ABCA3: variants seen among roughly 807,000 people sequenced by gnomAD.
ABCA3 encodes ATP binding cassette subfamily A member 3.
A neutral mutation model predicts 172.8 loss-of-function variants in ABCA3; 88 were observed. The ratio of observed to expected loss-of-function variants is 0.51; its 90% CI spans 0.43 to 0.61. The LOEUF is 0.61. Ranked by LOEUF, ABCA3 falls within the 20% of genes least tolerant of loss-of-function variation. The pLI, the probability that ABCA3 is intolerant of heterozygous loss-of-function variation, is 0.00. For synonymous variants in ABCA3, 1,066 were observed against 983.8 expected, an observed-to-expected ratio of 1.08 and a Z score of -1.56; for missense variants, 2,164 against 2,301.0, an observed-to-expected ratio of 0.94 and a Z score of 1.22.
rs964716193 is a variant in ABCA3 at position 2,283,101 on chromosome 16, G to A, written c.4035+85C>T. ...GCAGGAGCTGCCTGGTGGAGAAGGA[G>A]GTGGAGCTGCCCCAGGTTGTGCTGG... On this transcript the variant is annotated intron_variant, in intron 26 of 32. Coordinates refer to ENST00000301732, the MANE Select transcript of ABCA3 (RefSeq NM_001089.3). This position sits in a 1 kb window ranked among gnomAD's most constrained non-coding sequence, Gnocchi z 5.4. 1.3e-5 allele frequency: 18 copies of A among 1,427,180 alleles called. No homozygotes were observed. The highest frequency in any genetic ancestry group is 1.7e-5 in the Non-Finnish European group (18 of 1,035,924). 88.4% of individuals were successfully genotyped at this position (1,427,180 alleles called of 1,614,324 possible).
intron 11 of ABCA3, among the ~76,000 whole-genome samples, chr16:2,304,367 A>G (rs1223067532): frequency 1.3e-5 from 2 of 152,132 alleles, no homozygotes; most frequent in African/African-American, 4.8e-5. Context: ...CAGACCAGCA[A>G]CAGCTCATTC....
In ABCA3 at chr16:2,299,985, G is replaced by A. The variant is rs1310590570; in HGVS notation, c.1611+20C>T. 1.2e-6 allele frequency: 2 copies of A among 1,612,094 alleles called. No homozygotes were observed. The highest frequency in any genetic ancestry group is 4.5e-5 in the East Asian group (2 of 44,864). On this transcript the variant is annotated intron_variant, in intron 13 of 32. Transcript: ENST00000301732. ...GGTCCTGGCAGCCCCGGCCCTCCCT[G>A]TCCCCACAGGAGGCGGCACCTTGGA...
chr16:2,280,894 G>T, intron 28 of ABCA3, 133 bp downstream of exon 28: 1 of 1,172,978 alleles, frequency 8.5e-7, no homozygotes, highest in Non-Finnish European at 1.2e-6. Context: ...CTGTCCAGAG[G>T]CATGTGCTGG....
chr16:2,319,613 C>T lies in ABCA3; in HGVS notation c.841G>A (p.Ala281Thr), dbSNP rs779080404. Residue 281 changes from alanine (A) to threonine (T), a missense_variant, in exon 8 of 33, where the codon GCT (alanine) becomes ACT (threonine). Around this residue, in one of 3 missense-constraint regions of ABCA3, gnomAD observed 1,343 missense variants for 1,369.6 expected, o/e 0.98. Transcript: ENST00000301732. ...FTYTALTIARAVVQEKERRLK... is the reference protein window; with the variant it reads ...FTYTALTIARTVVQEKERRLK... ...CTCCTTTCCTTCTCCTGCACGACAG[C>T]ACGGGCAATGGTGAGCGCGGTGTAG... 1.2e-5 allele frequency: 19 copies of T among 1,613,082 alleles called. No homozygotes were observed. The South Asian group carries it at 1.8e-4, about 15-fold the overall frequency.
chr16:2,320,103 CT>C (rs749516135), intron 7 of ABCA3, among the ~76,000 whole-genome samples: 150 of 145,526 alleles, frequency 1.0e-3, no homozygotes, highest in East Asian at 2.8e-3. Context: ...CACATGATCA[CT>C]TTTTTTTTTT....
intron 10 of ABCA3, 33 bp downstream of exon 10, chr16:2,317,250 G>A (rs757952616): frequency 6.2e-7 from 1 of 1,612,976 alleles, no homozygotes; most frequent in Non-Finnish European, 8.5e-7. Flanking sequence ...TGGCCCCTTG[G>A]CAACCCCACT....
chr16:2,316,490 C>CAAAAAAAAAAAAAAAAAAA lies in ABCA3; in HGVS notation c.1111+774_1111+792dup, dbSNP rs71148128. 9.4e-4 allele frequency among the ~76,000 whole-genome samples: 27 copies of CAAAAAAAAAAAAAAAAAAA among 28,870 alleles called. 11 individuals carry two copies. The highest frequency in any genetic ancestry group is 1.5e-3 in the Non-Finnish European group (20 of 13,002). The allele number at this position is 28,870 out of a possible 152,430, so 18.9% of individuals were successfully genotyped here. A position where few individuals can be genotyped will look rare whatever the true frequency, so the allele number is the denominator to read the frequency against. On this transcript the variant is annotated intron_variant, in intron 10 of 32. Transcript: ENST00000301732. ...CAAAACCCCGTCTCTACTAAAAATG[C>CAAAAAAAAAAAAAAAAAAA]AAAAAAAAAAAAAAAAAAAAAAAAA...
At chr16:2,318,668 A>C (rs150299376) in intron 8 of ABCA3, among the ~76,000 whole-genome samples, 10 of 152,036 alleles carry the variant, frequency 6.6e-5, no homozygotes, top group Non-Finnish European at 1.5e-4. Context: ...GCATGCTACC[A>C]CGCCTGGCTA....
intron 11 of ABCA3, among the ~76,000 whole-genome samples, chr16:2,306,573 G>A (rs2141718088): frequency 6.6e-6 from 1 of 152,252 alleles, no homozygotes; most frequent in South Asian, 2.1e-4. Context: ...AAATTCATGT[G>A]TTGGAGACTT....
At chr16:2,331,947 T>C (rs917359684) in intron 1 of ABCA3, among the ~76,000 whole-genome samples, 21 of 152,186 alleles carry the variant, frequency 1.4e-4, no homozygotes, top group African/African-American at 5.1e-4. Flanking sequence ...TTTTCCCCTC[T>C]CTATAAAAGG....
In ABCA3 at chr16:2,287,057, T is replaced by C. The variant is rs45585736; in HGVS notation, c.3005-90A>G. 8,637 of 1,451,462 alleles carry C rather than the reference T, an allele frequency of 6.0e-3. 41 individuals carry two copies. The highest frequency in any genetic ancestry group is 0.015 in the Middle Eastern group (73 of 5,018). The allele number at this position is 1,451,462 out of a possible 1,614,324, so 89.9% of individuals were successfully genotyped here. A position where few individuals can be genotyped will look rare whatever the true frequency, so the allele number is the denominator to read the frequency against. ...TGAGCATGGCTAATCAGGGACCCAA[T>C]AGAGTGGTGCCAGCATCCTCTGAGC... On this transcript the variant is annotated intron_variant, in intron 21 of 32. Coordinates refer to ENST00000301732, the MANE Select transcript of ABCA3 (RefSeq NM_001089.3). This position sits in a 1 kb window ranked among gnomAD's most constrained non-coding sequence, Gnocchi z 4.1.
rs993293363 is a variant in ABCA3, at chr16:2,292,547, C to T, written c.2415-309G>A. Among the ~76,000 whole-genome samples, 8 of 151,800 alleles carry T rather than the reference C, an allele frequency of 5.3e-5. No individual in the cohort carries two copies. In the East Asian group the frequency reaches 1.5e-3, roughly 29 times the overall value. On this transcript the variant is annotated intron_variant, in intron 18 of 32. Transcript: ENST00000301732. Reference sequence around the variant, plus strand: ...CCAGGAGGTGGAGGCTGCAGTGAACCGAGATTGCGCTACTGCACTCCAGCC... The same window carrying T: ...CCAGGAGGTGGAGGCTGCAGTGAACTGAGATTGCGCTACTGCACTCCAGCC...
rs1436070068 is a variant in ABCA3 at position 2,281,827 on chromosome 16, C to CA, written c.4036-319dup. Reference sequence around the variant, plus strand: ...GACAATTTTTTTTTTTTTTTTGAGACAGAGTCTCACTCTGTTGTCCAGGCT... The same window carrying CA: ...GACAATTTTTTTTTTTTTTTTGAGACAAGAGTCTCACTCTGTTGTCCAGGCT... On this transcript the variant is annotated intron_variant, in intron 26 of 32. Transcript: ENST00000301732. The surrounding 1 kb of genome is among the most constrained non-coding windows in gnomAD (Gnocchi z 4.7). Among the ~76,000 whole-genome samples, 1 of 148,190 alleles carries CA rather than the reference C, an allele frequency of 6.7e-6. No individual in the cohort carries two copies. Among genetic ancestry groups the CA allele is most frequent in the Non-Finnish European group, 1.5e-5 (1 of 67,278 alleles).
intron 1 of ABCA3, chr16:2,332,335 C>T (rs1040030889): frequency 6.8e-6 from 5 of 731,728 alleles, no homozygotes; most frequent in African/African-American, 1.8e-5. Context: ...TTTCTAGTAG[C>T]GAGCACAGGC....
Position 2,285,038 on chromosome 16 carries a change from TGA to T in ABCA3, c.3484-42_3484-41del. The T allele has an allele frequency of 6.3e-7, 1 of 1,598,566 alleles. No individual in the cohort carries two copies. Among genetic ancestry groups the T allele is most frequent in the Non-Finnish European group, 8.5e-7 (1 of 1,173,026 alleles). ...GGAGGCGCTGCTGTGCATGCCAAGCTGAGAGGAGCTCACGGGTAGGGAAGGGG... is the reference window on the plus strand; with the variant it reads ...GGAGGCGCTGCTGTGCATGCCAAGCTGAGGAGCTCACGGGTAGGGAAGGGG... On this transcript the variant is annotated intron_variant, in intron 23 of 32. Transcript: ENST00000301732. The surrounding 1 kb of genome is among the most constrained non-coding windows in gnomAD (Gnocchi z 4.7).
rs202078936 is a variant in ABCA3 at position 2,276,769 on chromosome 16, C to T, written c.5020G>A (p.Gly1674Ser). The stretch of plus-strand genomic sequence containing the variant: ...TGGCTCACGGAGTAGTCGTCCACGC[C>T]GTACTTTTCCTTGGCTTTCTCCAGA... The part of the protein sequence containing the change: ...GILEKAKEKY[G>S]VDDYSVSQIS... The change falls in exon 33 of 33, where the codon GGC (glycine) becomes AGC (serine). Residue 1674 changes from glycine to serine, a missense_variant. Physicochemically the swap from Gly to Ser is moderately conservative, Grantham distance 56. Coordinates refer to ENST00000301732, the MANE Select transcript of ABCA3 (RefSeq NM_001089.3). The T allele has an allele frequency of 1.8e-4, 290 of 1,613,994 alleles. 2 individuals are homozygous for T. The East Asian group carries it at 5.0e-3, about 28-fold the overall frequency.
rs777414202 is a variant in ABCA3 at position 2,285,590 on chromosome 16, G to C, written c.3335C>G (p.Ala1112Gly). 198 of 1,561,834 alleles carry C rather than the reference G, an allele frequency of 1.3e-4. No individual in the cohort carries two copies. The highest frequency in any genetic ancestry group is 1.7e-4 in the Non-Finnish European group (194 of 1,152,598). Reference protein sequence around the residue: ...LNLLFAMAFLASTFSILAVSE... With the variant: ...LNLLFAMAFLGSTFSILAVSE... Reference sequence around the variant, plus strand: ...GACCGCCAGGATGGAGAACGTGCTGGCCAAGAATGCCATGGCGAAGAGCAG... The same window carrying C: ...GACCGCCAGGATGGAGAACGTGCTGCCCAAGAATGCCATGGCGAAGAGCAG... The change falls in exon 23 of 33, where the codon GCC (alanine) becomes GGC (glycine). Residue 1112 changes from alanine (A) to glycine (G), a missense_variant. Coordinates refer to ENST00000301732, the MANE Select transcript of ABCA3 (RefSeq NM_001089.3). This position sits in a 1 kb window ranked among gnomAD's most constrained non-coding sequence, Gnocchi z 4.7.
chr16:2,330,773 A>G (rs967595146), intron 1 of ABCA3, among the ~76,000 whole-genome samples: 17 of 138,238 alleles, frequency 1.2e-4, no homozygotes, highest in East Asian at 4.2e-4. Context: ...ATCTCTGTTC[A>G]CTGCAAACTC....
intron 11 of ABCA3, 48 bp downstream of exon 11, chr16:2,308,402 G>A (rs377609390): frequency 9.6e-5 from 154 of 1,611,624 alleles, no homozygotes; most frequent in Non-Finnish European, 1.2e-4. Context: ...GGGTGCTCTC[G>A]AAGGTTACTG....
Sources: gnomAD v4.1 joint callset for allele counts (sites outside exome capture counted in the v4.1 genomes callset) on GRCh38, gnomAD v4.1.1 for gene constraint, gnomAD v4.1.1 regional missense constraint, Gnocchi (gnomAD v3.1) non-coding constraint, MANE v1.5 for transcripts, NCBI Gene and HGNC (gene_info 2026-07-23, HGNC 2026-07-21) for gene names.